CYP2C8: variants seen among roughly 807,000 people sequenced by gnomAD.
CYP2C8 encodes the protein cytochrome P450 family 2 subfamily C member 8, also known as cytochrome P450 2C8.
In CYP2C8, 51 loss-of-function variants were observed where a neutral mutation model predicts 41.3. That is an observed-to-expected ratio of 1.24 (90% confidence interval 0.99 to 1.56). The LOEUF (loss-of-function observed/expected upper bound fraction) is 1.56. CYP2C8 is among the 40% of genes most tolerant of loss of function. The probability of loss-of-function intolerance (pLI) is 0.00; values close to 1 mark genes in which losing one functional copy is unlikely to be tolerated. For missense variants in CYP2C8, 651 were observed against 579.9 expected (o/e 1.12, Z -1.26); for synonymous variants, 218 against 205.8 (o/e 1.06, Z -0.51).
intron 3 of CYP2C8, 77 bp downstream of exon 3, chr10:95,067,131 C>T: frequency 6.2e-7 from 1 of 1,604,804 alleles, no homozygotes; most frequent in Non-Finnish European, 8.5e-7. Context: ...CCTGGCCACC[C>T]CTGAAATGTT....
chr10:95,068,162 A>G (rs1841178801), intron 1 of CYP2C8, among the ~76,000 whole-genome samples: 1 of 152,224 alleles, frequency 6.6e-6, no homozygotes. Context: ...TCTTAACATG[A>G]GGATTCTGAT....
intron 5 of CYP2C8, among the ~76,000 whole-genome samples, chr10:95,058,055 T>G (rs1355809959): frequency 1.3e-5 from 2 of 152,226 alleles, no homozygotes; most frequent in African/African-American, 4.8e-5. Flanking sequence ...TTGTATTTTC[T>G]ACTTATTTAT....
intron 3 of CYP2C8, among the ~76,000 whole-genome samples, chr10:95,066,138 G>GAA (rs2033557725): frequency 9.0e-6 from 1 of 110,900 alleles, no homozygotes; most frequent in African/African-American, 3.7e-5. Flanking sequence ...GAGAGAGAGA[G>GAA]AGAGAGAGAG....
Position 95,062,333 on chromosome 10 carries a change from G to A in CYP2C8, c.642+2467C>T, listed in dbSNP as rs1251008490. ...ATGAGTCTGGGTGCTCCTGTATTGG[G>A]TGCATATATATTTAGGATAGTTAGC... On this transcript the variant is annotated intron_variant, in intron 4 of 8. Transcript: ENST00000371270. Among the ~76,000 whole-genome samples, 3 of 152,154 alleles carry A rather than the reference G, an allele frequency of 2.0e-5. No homozygotes were observed. In the South Asian group the frequency reaches 6.2e-4, roughly 32 times the overall value.
chr10:95,044,491 C>A (rs1202684550), intron 6 of CYP2C8, among the ~76,000 whole-genome samples: 1 of 152,156 alleles, frequency 6.6e-6, no homozygotes, highest in African/African-American at 2.4e-5. Flanking sequence ...TGGCAAAATA[C>A]GGAGGTCTTT....
In CYP2C8 at chr10:95,044,301, T is replaced by C. The variant is rs575839628; in HGVS notation, c.962-1224A>G. ...TCTATGAATACACAAGATAGTATGCTTGAGAATTCTGATGCTGTTTGAATG... is the reference window on the plus strand; with the variant it reads ...TCTATGAATACACAAGATAGTATGCCTGAGAATTCTGATGCTGTTTGAATG... On this transcript the variant is annotated intron_variant, in intron 6 of 8. Coordinates refer to ENST00000371270, the MANE Select transcript of CYP2C8 (RefSeq NM_000770.3). Among the ~76,000 whole-genome samples, 5 of 152,346 alleles carry C rather than the reference T, an allele frequency of 3.3e-5. No homozygotes were observed. In the South Asian group the frequency reaches 8.3e-4, roughly 25 times the overall value.
chr10:95,058,012 T>C (rs754541705), intron 5 of CYP2C8, among the ~76,000 whole-genome samples: 2 of 152,192 alleles, frequency 1.3e-5, no homozygotes, highest in Admixed American at 6.6e-5. Flanking sequence ...ATGTGCAATA[T>C]TGATATTCAT....
intron 7 of CYP2C8, among the ~76,000 whole-genome samples, chr10:95,041,507 C>T (rs1211400185): frequency 6.6e-6 from 1 of 152,164 alleles, no homozygotes; most frequent in Non-Finnish European, 1.5e-5. Flanking sequence ...CAAGGCCGGG[C>T]GCGGTGGCTC....
chr10:95,046,611 T>A (rs1423412164), intron 5 of CYP2C8, among the ~76,000 whole-genome samples: 4 of 152,122 alleles, frequency 2.6e-5, no homozygotes, highest in Non-Finnish European at 5.9e-5. Flanking sequence ...AGAGGACACA[T>A]TCAAACCAGA....
At chr10:95,060,187 A>T (rs1221907228) in intron 4 of CYP2C8, among the ~76,000 whole-genome samples, 1 of 86,926 alleles carries the variant, frequency 1.2e-5, no homozygotes. Context: ...GAAGAAAGTC[A>T]TTGGTGCTTG....
intron 7 of CYP2C8, among the ~76,000 whole-genome samples, chr10:95,042,598 A>G (rs1056276356): frequency 5.9e-5 from 9 of 152,224 alleles, no homozygotes; most frequent in Non-Finnish European, 5.9e-5. Flanking sequence ...TTCCATATCG[A>G]ACTACACAAT....
At chr10:95,054,197 A>T (rs2033266359) in intron 5 of CYP2C8, among the ~76,000 whole-genome samples, 1 of 152,094 alleles carries the variant, frequency 6.6e-6, no homozygotes, top group South Asian at 2.1e-4. Flanking sequence ...AAAAAAATTA[A>T]GGATTATGTG....
At chr10:95,060,519 C>T (rs1179482882) in intron 4 of CYP2C8, among the ~76,000 whole-genome samples, 1 of 152,110 alleles carries the variant, frequency 6.6e-6, no homozygotes, top group East Asian at 1.9e-4. Context: ...GCTGAAGTTG[C>T]TTATCAGCTT....
In CYP2C8 at chr10:95,039,394, CTG is replaced by C. The variant is rs1436226438; in HGVS notation, c.1150-358_1150-357del. On this transcript the variant is annotated intron_variant, in intron 7 of 8. Coordinates refer to ENST00000371270, the MANE Select transcript of CYP2C8 (RefSeq NM_000770.3). ...AGATTATGGTTTAAAATGGAAGTCT[CTG>C]TTGACACTTGAAATGTCCAGAGTAT... The C allele has an allele frequency of 2.7e-5, 8 of 294,040 alleles. No homozygotes were observed. In the Admixed American group the frequency reaches 3.9e-4, roughly 14 times the overall value. 18.2% of individuals were successfully genotyped at this position (294,040 alleles called of 1,614,324 possible).
rs192069235 is a variant in CYP2C8, at chr10:95,062,409, T to C, written c.642+2391A>G. 4.1e-3 allele frequency among the ~76,000 whole-genome samples: 625 copies of C among 152,340 alleles called. 1 individual carries two copies. The highest frequency in any genetic ancestry group is 0.014 in the African/African-American group (600 of 41,574). On this transcript the variant is annotated intron_variant, in intron 4 of 8. Coordinates refer to ENST00000371270, the MANE Select transcript of CYP2C8 (RefSeq NM_000770.3). ...CCATTATGTAATGGCCTTCTTTGTC[T>C]CTTTTAATCTTTGTTGGTTTAAAGT...
At chr10:95,048,432 T>A (rs1214161883) in intron 5 of CYP2C8, among the ~76,000 whole-genome samples, 1 of 152,172 alleles carries the variant, frequency 6.6e-6, no homozygotes, top group Non-Finnish European at 1.5e-5. Flanking sequence ...AAGCACCACC[T>A]CTGATCGAGG....
Position 95,058,742 on chromosome 10 carries a change from C to G in CYP2C8, c.643-231G>C, listed in dbSNP as rs576688121. 2.6e-5 allele frequency among the ~76,000 whole-genome samples: 4 copies of G among 152,156 alleles called. No individual in the cohort carries two copies. In the South Asian group the frequency reaches 8.3e-4, roughly 32 times the overall value. The stretch of plus-strand genomic sequence containing the variant: ...ATGTGCCAGGTTGGTGTACTGCACC[C>G]AATAACTCGTCATATACATTAGGTA... On this transcript the variant is annotated intron_variant, in intron 4 of 8. Coordinates refer to ENST00000371270, the MANE Select transcript of CYP2C8 (RefSeq NM_000770.3).
At chr10:95,062,802 CT>C (rs1486854154) in intron 4 of CYP2C8, among the ~76,000 whole-genome samples, 11 of 152,096 alleles carry the variant, frequency 7.2e-5, no homozygotes, top group Admixed American at 7.2e-4. Flanking sequence ...ATGTTTAGTG[CT>C]TCCTTCAGGA....
chr10:95,063,338 C>T (rs1323033970), intron 4 of CYP2C8, among the ~76,000 whole-genome samples: 7 of 152,174 alleles, frequency 4.6e-5, no homozygotes, highest in Non-Finnish European at 7.3e-5. Flanking sequence ...TTGTGCATTT[C>T]TTTTTATTCT....
Sources: gnomAD v4.1 joint callset for allele counts (sites outside exome capture counted in the v4.1 genomes callset) on GRCh38, gnomAD v4.1.1 for gene constraint, MANE v1.5 for transcripts, NCBI Gene and HGNC (gene_info 2026-07-23, HGNC 2026-07-21) for gene names.